The following POFUT1 variants were observed in gnomAD, a reference collection of about 807,000 sequenced individuals.
POFUT1 encodes GDP-fucose protein O-fucosyltransferase 1.
Under a neutral mutation model 42.4 loss-of-function variants are expected in POFUT1, and 16 were observed. The observed-to-expected ratio is 0.38, with a 90% CI of 0.26 to 0.57. The LOEUF (loss-of-function observed/expected upper bound fraction) is 0.57. POFUT1 is among the 20% of genes least tolerant of loss of function. The probability of loss-of-function intolerance (pLI) is 0.71; values close to 1 mark genes in which losing one functional copy is unlikely to be tolerated. For missense variants in POFUT1, 470 were observed against 504.6 expected (o/e 0.93, Z 0.66); for synonymous variants, 206 against 205.4 (o/e 1.00, Z -0.03).
At chr20:32,234,403 T>C (rs895927493) in intron 6 of POFUT1, 70 bp from the exon 7 acceptor site, 5 of 1,356,216 alleles carry the variant, frequency 3.7e-6, no homozygotes, top group Non-Finnish European at 5.1e-6. Context: ...GGGAATAAGG[T>C]TGGGGGTGTG....
At chr20:32,213,637 G>A (rs533787380) in intron 2 of POFUT1, among the ~76,000 whole-genome samples, 24 of 151,924 alleles carry the variant, frequency 1.6e-4, no homozygotes, top group Non-Finnish European at 2.8e-4. Flanking sequence ...CCGGCGTGGT[G>A]GTGCGTGCCT....
intron 3 of POFUT1, among the ~76,000 whole-genome samples, chr20:32,215,731 A>G (rs2047356596): frequency 6.6e-6 from 1 of 152,220 alleles, no homozygotes; most frequent in African/African-American, 2.4e-5. Flanking sequence ...AAGTGCTTGT[A>G]AACTGCAAAG....
chr20:32,229,192 A>G (rs1393208899), intron 5 of POFUT1, among the ~76,000 whole-genome samples: 1 of 152,178 alleles, frequency 6.6e-6, no homozygotes, highest in Non-Finnish European at 1.5e-5. Flanking sequence ...CTACAACATC[A>G]AGAGATATAA....
intron 4 of POFUT1, 53 bp downstream of exon 4, chr20:32,216,774 G>T: frequency 7.1e-7 from 1 of 1,406,790 alleles, no homozygotes; most frequent in South Asian, 1.2e-5. Flanking sequence ...TGGAGCTCAT[G>T]AGCATTCAGC....
intron 4 of POFUT1, among the ~76,000 whole-genome samples, chr20:32,219,334 A>C (rs2047378756): frequency 6.6e-6 from 1 of 152,178 alleles, no homozygotes; most frequent in Admixed American, 6.5e-5. Context: ...TTAGAGGAAA[A>C]GTAGTTCACA....
intron 2 of POFUT1, 35 bp downstream of exon 2, chr20:32,210,227 C>T: frequency 6.2e-7 from 1 of 1,612,870 alleles, no homozygotes; most frequent in South Asian, 1.1e-5. Context: ...CCTTTCTCCG[C>T]CCTTTCTCAG....
intron 2 of POFUT1, 72 bp from the exon 3 acceptor site, chr20:32,215,197 A>G: frequency 8.1e-7 from 1 of 1,229,816 alleles, no homozygotes; most frequent in Non-Finnish European, 1.2e-6. Flanking sequence ...CCTGGAGTGT[A>G]TTGTTTTAAT....
At chr20:32,212,122 A>G (rs1290951214) in intron 2 of POFUT1, among the ~76,000 whole-genome samples, 1 of 152,224 alleles carries the variant, frequency 6.6e-6, no homozygotes, top group Non-Finnish European at 1.5e-5. Context: ...GCACTGTGTC[A>G]ACATGCAATA....
chr20:32,237,144 C>T lies in POFUT1; in HGVS notation c.*2483C>T, dbSNP rs1569166150. On this transcript the variant is annotated 3_prime_UTR_variant, in exon 7 of 7. Coordinates refer to ENST00000375749, the MANE Select transcript of POFUT1 (RefSeq NM_015352.2). ...TACCCAAGAAACAAAGCCTACATGC[C>T]GCTTACAGCCCCCGTTGGATGGTTG... 6.6e-6 allele frequency: 1 copy of T among 152,220 alleles called. No individual in the cohort carries two copies. Among genetic ancestry groups the T allele is most frequent in the Non-Finnish European group, 1.5e-5 (1 of 68,072 alleles). 9.4% of individuals were successfully genotyped at this position (152,220 alleles called of 1,614,324 possible). A position where few individuals can be genotyped will look rare whatever the true frequency, so the allele number is the denominator to read the frequency against.
intron 4 of POFUT1, 164 bp downstream of exon 4, chr20:32,216,885 T>C: frequency 6.6e-7 from 1 of 1,521,276 alleles, no homozygotes; most frequent in Non-Finnish European, 8.9e-7. Flanking sequence ...TCTGTTCCCA[T>C]GTCCACGCCT....
intron 6 of POFUT1, 71 bp downstream of exon 6, chr20:32,231,132 A>T: frequency 6.5e-7 from 1 of 1,540,110 alleles, no homozygotes; most frequent in Non-Finnish European, 8.9e-7. Context: ...CCCACTGCCC[A>T]CTGCATGCTT....
chr20:32,216,426 C>G (rs1040161172), intron 3 of POFUT1, among the ~76,000 whole-genome samples, 183 bp from the exon 4 acceptor site: 1 of 152,176 alleles, frequency 6.6e-6, no homozygotes, highest in African/African-American at 2.4e-5. Context: ...AGAATTGAAG[C>G]CACGGCACTC....
intron 4 of POFUT1, among the ~76,000 whole-genome samples, chr20:32,220,679 G>A (rs948821701): frequency 2.0e-5 from 3 of 151,946 alleles, no homozygotes; most frequent in African/African-American, 7.3e-5. Context: ...GGAGGCTGAG[G>A]TTGCAGTGAG....
At position 32,228,358 on chromosome 20, in the gene POFUT1, T is replaced by C; in HGVS notation, c.638T>C (p.Val213Ala). The C allele has an allele frequency of 5.0e-6, 8 of 1,614,144 alleles. No individual in the cohort carries two copies. The highest frequency in any genetic ancestry group is 6.8e-6 in the Non-Finnish European group (8 of 1,179,992). ...CACAGGCCACTACAGAAGTACATGG[T>C]ATGGTCAGACGAAATGGTGAAGACG... Reference protein sequence around the residue: ...EEHRPLQKYMVWSDEMVKTGE... With the variant: ...EEHRPLQKYMAWSDEMVKTGE... Residue 213 changes from valine (V) to alanine (A), a missense_variant, in exon 5 of 7, where the codon GTA becomes GCA. By Grantham distance (64) the Val-to-Ala change is moderately conservative. Transcript: ENST00000375749.
chr20:32,233,654 G>A (rs1366897318), intron 6 of POFUT1, among the ~76,000 whole-genome samples: 1 of 152,198 alleles, frequency 6.6e-6, no homozygotes, highest in African/African-American at 2.4e-5. Flanking sequence ...CATCAGGCAA[G>A]AGATTGTGAT....
Position 32,231,314 on chromosome 20 carries a change from C to T in POFUT1, c.978+253C>T, listed in dbSNP as rs138613217. ...CGTGGCCCTATATCATTTCTTCTCT[C>T]GGGCACTTTCTGGACTGTATGAGAC... On this transcript the variant is annotated intron_variant, in intron 6 of 6. Coordinates refer to ENST00000375749, the MANE Select transcript of POFUT1 (RefSeq NM_015352.2). 1.9e-3 allele frequency: 927 copies of T among 482,890 alleles called. 6 individuals are homozygous for T. Among genetic ancestry groups the T allele is most frequent in the African/African-American group, 0.015 (790 of 51,254 alleles). The allele number at this position is 482,890 out of a possible 1,614,324, so 29.9% of individuals were successfully genotyped here.
At position 32,230,815 on chromosome 20, in the gene POFUT1, G is replaced by GT; in HGVS notation, c.736-3dup. The GT allele has an allele frequency of 6.2e-7, 1 of 1,612,672 alleles. No individual in the cohort carries two copies. Among genetic ancestry groups the GT allele is most frequent in the South Asian group, 1.1e-5 (1 of 91,082 alleles). On this transcript the variant is annotated splice_polypyrimidine_tract_variant and splice_region_variant and intron_variant, in intron 5 of 6. Transcript: ENST00000375749. ...TATTTAACCCTGTTCCCCGCTCTCC[G>GT]TAGAAGAACGCCTGTGCCATGCTGA...
chr20:32,228,086 C>A (rs1334125524), intron 4 of POFUT1, among the ~76,000 whole-genome samples, 177 bp from the exon 5 acceptor site: 2 of 152,238 alleles, frequency 1.3e-5, no homozygotes, highest in African/African-American at 4.8e-5. Flanking sequence ...TTGCCGCCGC[C>A]ACCAAGGTTC....
chr20:32,233,607 G>A (rs1390126313), intron 6 of POFUT1, among the ~76,000 whole-genome samples: 1 of 152,222 alleles, frequency 6.6e-6, no homozygotes, highest in African/African-American at 2.4e-5. Flanking sequence ...CAGACCAGGA[G>A]AGGCAGTGAG....
Sources: allele counts gnomAD v4.1 joint callset (sites outside exome capture counted in the v4.1 genomes callset), GRCh38; gene constraint gnomAD v4.1.1; transcripts MANE v1.5; gene names NCBI Gene and HGNC (gene_info 2026-07-23, HGNC 2026-07-21).